SCD5: variants seen among roughly 807,000 people sequenced by gnomAD.
SCD5 encodes acyl-CoA-desaturase 4.
In SCD5, 20 loss-of-function variants were observed where a neutral mutation model predicts 30.4. The ratio of observed to expected loss-of-function variants is 0.66; its 90% CI spans 0.46 to 0.96. The LOEUF (loss-of-function observed/expected upper bound fraction) is 0.96. Among genes scored for constraint, SCD5 ranks in the 40% least tolerant of loss-of-function variants. The probability of loss-of-function intolerance (pLI) is 0.00; values close to 1 mark genes in which losing one functional copy is unlikely to be tolerated. For missense variants in SCD5, 381 were observed against 443.3 expected, an observed-to-expected ratio of 0.86 and a Z score of 1.26; for synonymous variants, 173 against 176.4, an observed-to-expected ratio of 0.98 and a Z score of 0.16.
intron 4 of SCD5, among the ~76,000 whole-genome samples, chr4:82,635,201 T>C (rs1408983095): frequency 6.6e-6 from 1 of 152,230 alleles, no homozygotes; most frequent in Admixed American, 6.5e-5. Flanking sequence ...TTGACAGGTA[T>C]TAACTCCTTT....
chr4:82,661,514 A>G (rs1484609928), intron 3 of SCD5, among the ~76,000 whole-genome samples: 1 of 152,250 alleles, frequency 6.6e-6, no homozygotes, highest in African/African-American at 2.4e-5. Context: ...AAAGGGACTC[A>G]GCCTTATTTA....
At chr4:82,764,507 G>T (rs1721445570) in intron 1 of SCD5, among the ~76,000 whole-genome samples, 1 of 151,756 alleles carries the variant, frequency 6.6e-6, no homozygotes, top group South Asian at 2.1e-4. Context: ...GTTTTTAGTG[G>T]TTGCTTTAGG....
chr4:82,736,132 T>G lies in SCD5; in HGVS notation c.233-30719A>C, dbSNP rs369628664. On this transcript the variant is annotated intron_variant, in intron 1 of 4. Coordinates refer to ENST00000319540, the MANE Select transcript of SCD5 (RefSeq NM_001037582.3). The stretch of plus-strand genomic sequence containing the variant: ...GAAACACCATCTCTACAAAAAGTAT[T>G]AAAAAATTAGCAGGGTGTGGTGGCA... Among the ~76,000 whole-genome samples the G allele has an allele frequency of 5.3e-5, 8 of 150,186 alleles. 1 individual carries two copies. The highest frequency in any genetic ancestry group is 2.0e-4 in the African/African-American group (8 of 40,786).
chr4:82,726,523 T>A (rs1720473251), intron 1 of SCD5, among the ~76,000 whole-genome samples: 1 of 150,692 alleles, frequency 6.6e-6, no homozygotes, highest in South Asian at 2.1e-4. Flanking sequence ...ATTAAAAGAC[T>A]AGTTATTTTC....
chr4:82,755,278 T>C (rs1721209941), intron 1 of SCD5, among the ~76,000 whole-genome samples: 1 of 152,138 alleles, frequency 6.6e-6, no homozygotes, highest in African/African-American at 2.4e-5. Context: ...GGCAGGCAGA[T>C]CACCTGAGGC....
chr4:82,767,678 T>C (rs970157132), intron 1 of SCD5, among the ~76,000 whole-genome samples: 4 of 152,264 alleles, frequency 2.6e-5, no homozygotes, highest in Non-Finnish European at 5.9e-5. Context: ...TACATCTTTC[T>C]GTCATACATC....
intron 1 of SCD5, among the ~76,000 whole-genome samples, chr4:82,789,511 C>T (rs894324415): frequency 1.3e-5 from 2 of 152,182 alleles, no homozygotes; most frequent in African/African-American, 4.8e-5. Flanking sequence ...CTAACAAGCT[C>T]CCAGGTGATG....
At chr4:82,636,892 C>A in intron 3 of SCD5, 69 bp from the exon 4 acceptor site, 2 of 1,330,458 alleles carry the variant, frequency 1.5e-6, no homozygotes, top group Non-Finnish European at 2.1e-6. Flanking sequence ...GAGCAAGTCA[C>A]AGGAAAAGTC....
At chr4:82,678,298 T>C (rs1728478179) in intron 3 of SCD5, among the ~76,000 whole-genome samples, 1 of 152,192 alleles carries the variant, frequency 6.6e-6, no homozygotes, top group Non-Finnish European at 1.5e-5. Context: ...TAGTCTTTGT[T>C]CTTCTTCCTG....
chr4:82,781,835 AT>A (rs2148851523), intron 1 of SCD5, among the ~76,000 whole-genome samples: 1 of 152,286 alleles, frequency 6.6e-6, no homozygotes, highest in South Asian at 2.1e-4. Context: ...ATTTCTGTTC[AT>A]TTGAAGTTAC....
At chr4:82,651,107 G>A (rs1031930768) in intron 3 of SCD5, among the ~76,000 whole-genome samples, 1 of 152,124 alleles carries the variant, frequency 6.6e-6, no homozygotes, top group African/African-American at 2.4e-5. Flanking sequence ...TGTTGTTTTG[G>A]TTGAAGTCTA....
At chr4:82,795,749 G>C (rs1361320408) in intron 1 of SCD5, among the ~76,000 whole-genome samples, 1 of 136,088 alleles carries the variant, frequency 7.3e-6, no homozygotes, top group South Asian at 2.4e-4. Context: ...TTGAGCCCAG[G>C]AGACTGAGAC....
At chr4:82,651,372 AACCAAACGTCGT>A (rs1455352838) in intron 3 of SCD5, among the ~76,000 whole-genome samples, 32 of 152,290 alleles carry the variant, frequency 2.1e-4, no homozygotes, top group African/African-American at 7.2e-4. Context: ...AGGAATGGAA[AACCAAACGTCGT>A]ATGTTCTCAC....
chr4:82,705,682 C>T (rs554467203), intron 1 of SCD5, among the ~76,000 whole-genome samples: 1 of 152,158 alleles, frequency 6.6e-6, no homozygotes, highest in African/African-American at 2.4e-5. Flanking sequence ...ATGTTTCTTG[C>T]CAGTCTTGAT....
chr4:82,746,771 T>G (rs141608073), intron 1 of SCD5, among the ~76,000 whole-genome samples: 5 of 151,620 alleles, frequency 3.3e-5, no homozygotes, highest in African/African-American at 1.2e-4. Flanking sequence ...AGGTGCTGAG[T>G]AGAGAAGAGC....
chr4:82,683,169 T>C (rs934274478), intron 2 of SCD5, among the ~76,000 whole-genome samples: 10 of 152,180 alleles, frequency 6.6e-5, no homozygotes, highest in Non-Finnish European at 1.3e-4. Context: ...ATATCAAAAA[T>C]TATAGCCTGG....
At chr4:82,646,755 T>G (rs1048966101) in intron 3 of SCD5, among the ~76,000 whole-genome samples, 18 of 152,222 alleles carry the variant, frequency 1.2e-4, no homozygotes, top group Admixed American at 9.8e-4. Context: ...GGCAGACCAC[T>G]GCTTCACAAA....
chr4:82,746,053 C>T (rs4693053), intron 1 of SCD5, among the ~76,000 whole-genome samples: 38,275 of 152,158 alleles, frequency 0.25, 5,287 homozygotes, highest in East Asian at 0.43. Context: ...GTGCCTGGCT[C>T]ACAATAAGTG....
At chr4:82,687,415 T>C (rs918593884) in intron 2 of SCD5, among the ~76,000 whole-genome samples, 2 of 152,216 alleles carry the variant, frequency 1.3e-5, no homozygotes, top group African/African-American at 2.4e-5. Context: ...TCTTTTGTAA[T>C]ACAGGAGAAA....
Sources: allele counts gnomAD v4.1 joint callset (sites outside exome capture counted in the v4.1 genomes callset), GRCh38; gene constraint gnomAD v4.1.1; transcripts MANE v1.5; gene names NCBI Gene and HGNC (gene_info 2026-07-23, HGNC 2026-07-21).